The following SBK2 variants were observed in gnomAD, a reference collection of about 807,000 sequenced individuals.
The protein encoded by SBK2 is serine/threonine-protein kinase SBK2.
Under a neutral mutation model 15.9 loss-of-function variants are expected in SBK2, and 18 were observed. The ratio of observed to expected loss-of-function variants is 1.13; its 90% CI spans 0.78 to 1.68. The LOEUF (loss-of-function observed/expected upper bound fraction) is 1.68, where lower values mean the gene tolerates loss of function less well. Ranked by LOEUF, SBK2 falls within the 40% of genes most tolerant of loss-of-function variation. SBK2 has a pLI of 0.00. For synonymous variants in SBK2, 284 were observed against 246.8 expected (o/e 1.15, Z -1.41); for missense variants, 581 against 510.9 (o/e 1.14, Z -1.32).
At chr19:55,534,604 A>T (rs1306877139) in intron 2 of SBK2, among the ~76,000 whole-genome samples, 1 of 145,230 alleles carries the variant, frequency 6.9e-6, no homozygotes, top group Non-Finnish European at 1.5e-5. Context: ...CTACTTGCAG[A>T]GCTGAGGTGG....
At chr19:55,531,748 C>T (rs774610404) in intron 2 of SBK2, among the ~76,000 whole-genome samples, 2 of 152,152 alleles carry the variant, frequency 1.3e-5, no homozygotes, top group East Asian at 3.9e-4. Context: ...GAGACCGAGG[C>T]GGGTGGATTG....
At position 55,531,200 on chromosome 19, in the gene SBK2, G is replaced by GT; in HGVS notation, c.398dup (p.Tyr133Ter). 6.2e-7 allele frequency: 1 copy of GT among 1,613,424 alleles called. No homozygotes were observed. Among genetic ancestry groups the GT allele is most frequent in the African/African-American group, 1.3e-5 (1 of 75,036 alleles). The change falls in exon 3 of 4, where the codon TAC becomes TAAC. Residue 133 changes from tyrosine to a stop codon, truncating the protein, a stop_gained and frameshift_variant. Transcript: ENST00000413299. LOFTEE classifies it high-confidence loss of function. ...YGIGIESAHS[Y>*]SFLTEPVLHG... ...GCAGGACGGGCTCCGTCAGGAAGCT[G>GT]TAGGAGTGTGCCGACTCGATGCCAA...
Position 55,530,216 on chromosome 19 carries a change from G to A in SBK2, c.564C>T (p.Asn188=). 2 of 1,535,462 alleles carry A rather than the reference G, an allele frequency of 1.3e-6. No individual in the cohort carries two copies. Among genetic ancestry groups the A allele is most frequent in the Non-Finnish European group, 1.8e-6 (2 of 1,140,950 alleles). ...GLVYRDLKPE[N]VLVCDPACRR... is the part of the protein sequence containing the mutation. ...GGCAGGCCGGGTCGCACACCAGGAC[G>A]TTCTCCGGCTTCAGGTCCCGGTACA... The change falls in exon 4 of 4, where the codon AAC becomes AAT. Residue 188 remains asparagine, a synonymous_variant. Coordinates refer to ENST00000413299, the MANE Select transcript of SBK2 (RefSeq NM_001370096.2).
At chr19:55,535,856 G>A (rs552499497) in intron 2 of SBK2, among the ~76,000 whole-genome samples, 186 bp downstream of exon 2, 1 of 152,348 alleles carries the variant, frequency 6.6e-6, no homozygotes, top group African/African-American at 2.4e-5. Context: ...TCCAGCCTGG[G>A]CGGCAGAGCC....
At chr19:55,533,512 G>C (rs907262002) in intron 2 of SBK2, among the ~76,000 whole-genome samples, 1 of 150,168 alleles carries the variant, frequency 6.7e-6, no homozygotes, top group Non-Finnish European at 1.5e-5. Flanking sequence ...GCCAGGTGTG[G>C]TGGTGCATGC....
rs1490125491 is a variant in SBK2, at chr19:55,529,839, C to CT, written c.940dup (p.Arg314LysfsTer185). 1 of 1,603,582 alleles carries CT rather than the reference C, an allele frequency of 6.2e-7. No individual in the cohort carries two copies. Among genetic ancestry groups the CT allele is most frequent in the Non-Finnish European group, 8.5e-7 (1 of 1,179,098 alleles). On this transcript the variant is annotated frameshift_variant, in exon 4 of 4. Coordinates refer to ENST00000413299, the MANE Select transcript of SBK2 (RefSeq NM_001370096.2). LOFTEE classifies it low-confidence loss of function (END_TRUNC). Reference sequence around the variant, plus strand: ...CCTGATGGCGATCACAGCGCTCCTCCTTCGGGGGTGAGGGTCCAGCAGCCC... The same window carrying CT: ...CCTGATGGCGATCACAGCGCTCCTCCTTTCGGGGGTGAGGGTCCAGCAGCCC...
At chr19:55,531,625 G>C (rs1185043081) in intron 2 of SBK2, among the ~76,000 whole-genome samples, 1 of 152,180 alleles carries the variant, frequency 6.6e-6, no homozygotes, top group Non-Finnish European at 1.5e-5. Flanking sequence ...GGGAGGATCC[G>C]TTGAGGCCAG....
At position 55,529,623 on chromosome 19, in the gene SBK2, G is replaced by C; in HGVS notation, c.*110C>G. 1 of 1,417,974 alleles carries C rather than the reference G, an allele frequency of 7.1e-7. No individual in the cohort carries two copies. The highest frequency in any genetic ancestry group is 9.3e-7 in the Non-Finnish European group (1 of 1,075,040). The allele number at this position is 1,417,974 out of a possible 1,614,324, so 87.8% of individuals were successfully genotyped here. On this transcript the variant is annotated 3_prime_UTR_variant, in exon 4 of 4. Coordinates refer to ENST00000413299, the MANE Select transcript of SBK2 (RefSeq NM_001370096.2). ...AGAGGAGAGAGGAGGAGGACGCCGA[G>C]GGGAATCCCAAGCCCCATGGATGAA...
chr19:55,534,696 C>A (rs1335155073), intron 2 of SBK2, among the ~76,000 whole-genome samples: 1 of 91,422 alleles, frequency 1.1e-5, no homozygotes, highest in Admixed American at 1.5e-4. Flanking sequence ...AACAGCGAGA[C>A]CCTGTCTCAA....
chr19:55,536,234 C>G lies in SBK2; in HGVS notation c.61G>C (p.Glu21Gln). Residue 21 changes from glutamate to glutamine, a missense_variant, in exon 2 of 4, where the codon GAG becomes CAG. Transcript: ENST00000413299. ...AATGTCAGGCCGCCCAGACCCTCCT[C>G]CTCGCTGTCCTCCGAAGCCCCTGCC... ...AEAGASEDSE[E>Q]EGLGGLTLEE... The G allele has an allele frequency of 6.2e-7, 1 of 1,603,442 alleles. No individual in the cohort carries two copies. The highest frequency in any genetic ancestry group is 8.5e-7 in the Non-Finnish European group (1 of 1,175,954).
intron 2 of SBK2, among the ~76,000 whole-genome samples, chr19:55,532,364 G>A (rs1010606632): frequency 4.3e-5 from 6 of 138,382 alleles, no homozygotes; most frequent in Non-Finnish European, 9.1e-5. Flanking sequence ...GTGCAGTGGC[G>A]TCATCTCGGC....
chr19:55,533,799 T>C (rs148571305), intron 2 of SBK2, among the ~76,000 whole-genome samples: 104 of 151,174 alleles, frequency 6.9e-4, no homozygotes, highest in African/African-American at 2.5e-3. Flanking sequence ...TCCTGATCAC[T>C]GCCGCCACGG....
intron 3 of SBK2, 87 bp from the exon 4 acceptor site, chr19:55,530,410 C>T (rs1988224479): frequency 8.1e-7 from 1 of 1,239,872 alleles, no homozygotes. Context: ...GCCAAGGAGG[C>T]CGGTAAGGAA....
chr19:55,533,578 G>A (rs8104758), intron 2 of SBK2, among the ~76,000 whole-genome samples: 60,852 of 81,388 alleles, frequency 0.75, 23,339 homozygotes, highest in Non-Finnish European at 0.77. Flanking sequence ...GCGTGAACCC[G>A]GGAGGCGGAG....
rs548374658 is a variant in SBK2 at position 55,531,411 on chromosome 19, G to T, written c.254-66C>A. The T allele has an allele frequency of 3.1e-6, 4 of 1,294,948 alleles. No homozygotes were observed. The African/African-American group carries it at 4.4e-5, about 14-fold the overall frequency. 80.2% of individuals were successfully genotyped at this position (1,294,948 alleles called of 1,614,324 possible). A position where few individuals can be genotyped will look rare whatever the true frequency, so the allele number is the denominator to read the frequency against. On this transcript the variant is annotated intron_variant, in intron 2 of 3. Transcript: ENST00000413299. The stretch of plus-strand genomic sequence containing the variant: ...AAGGGCCACCTGGGCCAGCTGCTCT[G>T]TTCCCCTGTGGTCCCCTCAATGGCC...
At chr19:55,531,596 C>T (rs516106) in intron 2 of SBK2, among the ~76,000 whole-genome samples, 148,519 of 152,338 alleles carry the variant, frequency 0.97, 72,435 homozygotes, top group Middle Eastern at 0.99. Flanking sequence ...GCGATCCCAG[C>T]GCTTTCAGAG....
chr19:55,534,369 A>C (rs1988343323), intron 2 of SBK2, among the ~76,000 whole-genome samples: 1 of 152,088 alleles, frequency 6.6e-6, no homozygotes, highest in Admixed American at 6.6e-5. Flanking sequence ...AACCCTGCTG[A>C]CATCTTGATC....
At chr19:55,532,847 C>T (rs1457814307) in intron 2 of SBK2, among the ~76,000 whole-genome samples, 4 of 151,968 alleles carry the variant, frequency 2.6e-5, no homozygotes, top group Admixed American at 1.3e-4. Context: ...TTTGTAGAGA[C>T]GGTCTCGCTA....
At chr19:55,533,311 G>A (rs544127215) in intron 2 of SBK2, among the ~76,000 whole-genome samples, 111 of 150,570 alleles carry the variant, frequency 7.4e-4, no homozygotes, top group South Asian at 2.5e-3. Flanking sequence ...CTGCAGCCTG[G>A]GTGACAGAGC....
Sources: allele counts gnomAD v4.1 joint callset (sites outside exome capture counted in the v4.1 genomes callset), GRCh38; gene constraint gnomAD v4.1.1; transcripts MANE v1.5; gene names NCBI Gene and HGNC (gene_info 2026-07-23, HGNC 2026-07-21).